The following ARHGEF10L variants were observed in gnomAD, a reference collection of about 807,000 sequenced individuals.
ARHGEF10L encodes the protein Rho guanine nucleotide exchange factor 10 like.
A neutral mutation model predicts 141.2 loss-of-function variants in ARHGEF10L; 69 were observed. The ratio of observed to expected loss-of-function variants is 0.49; its 90% confidence interval spans 0.40 to 0.60. The LOEUF is 0.60. Ranked by LOEUF, ARHGEF10L falls within the 20% of genes least tolerant of loss-of-function variation. The probability of loss-of-function intolerance (pLI) is 0.00; values close to 1 mark genes in which losing one functional copy is unlikely to be tolerated. For missense variants in ARHGEF10L, 1,482 were observed against 1,734.3 expected (o/e 0.85, Z 2.58); for synonymous variants, 711 against 718.5 (o/e 0.99, Z 0.17).
chr1:17,590,310 C>CA (rs1415280448), intron 4 of ARHGEF10L, among the ~76,000 whole-genome samples: 1 of 152,128 alleles, frequency 6.6e-6, no homozygotes, highest in African/African-American at 2.4e-5. Flanking sequence ...GATCTCTGAG[C>CA]TCTTGGGAGA....
chr1:17,559,976 T>C (rs1214948257), intron 1 of ARHGEF10L, among the ~76,000 whole-genome samples: 1 of 152,130 alleles, frequency 6.6e-6, no homozygotes, highest in East Asian at 1.9e-4. Flanking sequence ...GCATGCCTGA[T>C]GCCCTGCAAG....
rs1393328965 is a variant in ARHGEF10L, at chr1:17,687,574, A to G, written c.3011A>G (p.Gln1004Arg). 6.2e-7 allele frequency: 1 copy of G among 1,612,878 alleles called. No homozygotes were observed. Among genetic ancestry groups the G allele is most frequent in the South Asian group, 1.1e-5 (1 of 91,070 alleles). Residue 1004 changes from glutamine to arginine, a missense_variant and splice_region_variant, in exon 27 of 29, where the codon CAA (glutamine) becomes CGA (arginine). Around this residue, in one of 3 missense-constraint regions of ARHGEF10L, gnomAD observed 858 missense variants for 966.3 expected, o/e 0.89. Coordinates refer to ENST00000361221, the MANE Select transcript of ARHGEF10L (RefSeq NM_018125.4). ...GACACTCCTCCCTTTGTGCCACAGCAAAGCTTCGAGGCGCACCAGGACGAG... is the reference window on the plus strand; with the variant it reads ...GACACTCCTCCCTTTGTGCCACAGCGAAGCTTCGAGGCGCACCAGGACGAG... Reference protein sequence around the residue: ...VLEATTLQPQQSFEAHQDEAV... With the variant: ...VLEATTLQPQRSFEAHQDEAV...
chr1:17,526,620 C>G, the ARHGEF10L span, among the ~76,000 whole-genome samples: 1 of 152,090 alleles, frequency 6.6e-6, no homozygotes, highest in Non-Finnish European at 1.5e-5. Context: ...AGAGACAAGG[C>G]TGGCCGGGCA....
In ARHGEF10L at chr1:17,664,603, A is replaced by G; in HGVS notation, c.3009+8A>G. On this transcript the variant is annotated splice_region_variant and intron_variant, in intron 26 of 28. Transcript: ENST00000361221. ...ACCACCCTGCAGCCTCAGGTACTGC[A>G]CTATCCTTTGGCTTGTGGCCCTGGA... The G allele has an allele frequency of 6.5e-7, 1 of 1,550,140 alleles. No individual in the cohort carries two copies. Among genetic ancestry groups the G allele is most frequent in the Non-Finnish European group, 8.7e-7 (1 of 1,150,782 alleles).
chr1:17,638,278 T>C (rs1484617589), intron 19 of ARHGEF10L, among the ~76,000 whole-genome samples: 1 of 152,134 alleles, frequency 6.6e-6, no homozygotes, highest in Non-Finnish European at 1.5e-5. Context: ...GGCCATTCCG[T>C]TATGTGGCCC....
intron 9 of ARHGEF10L, chr1:17,618,317 T>C (rs1409840969): frequency 6.7e-7 from 1 of 1,498,244 alleles, no homozygotes; most frequent in Non-Finnish European, 8.9e-7. Context: ...AGAGGCGATA[T>C]TAATAGCCGT....
chr1:17,631,656 C>T (rs1474594552), intron 15 of ARHGEF10L, among the ~76,000 whole-genome samples: 2 of 152,232 alleles, frequency 1.3e-5, no homozygotes, highest in Non-Finnish European at 2.9e-5. Flanking sequence ...TGTCATCACA[C>T]GTGACCTGTG....
intron 26 of ARHGEF10L, among the ~76,000 whole-genome samples, chr1:17,676,797 A>G (rs1367609933): frequency 6.6e-6 from 1 of 151,444 alleles, no homozygotes; most frequent in Non-Finnish European, 1.5e-5. Context: ...CTGCCTGAGC[A>G]CTCTGTTCCC....
At chr1:17,677,887 A>T (rs560170231) in intron 26 of ARHGEF10L, among the ~76,000 whole-genome samples, 1 of 152,112 alleles carries the variant, frequency 6.6e-6, no homozygotes, top group East Asian at 1.9e-4. Flanking sequence ...GGTGAATGTC[A>T]TGCAGACCCA....
At chr1:17,683,887 G>A (rs951822060) in intron 26 of ARHGEF10L, among the ~76,000 whole-genome samples, 4 of 152,230 alleles carry the variant, frequency 2.6e-5, no homozygotes, top group Non-Finnish European at 4.4e-5. Context: ...TTGGTCCCAG[G>A]CCTCTGGGTT....
intron 1 of ARHGEF10L, among the ~76,000 whole-genome samples, chr1:17,568,247 A>G (rs2077842900): frequency 6.6e-6 from 1 of 152,174 alleles, no homozygotes; most frequent in Non-Finnish European, 1.5e-5. Flanking sequence ...TTTATTGAGC[A>G]CTTACTGTGT....
chr1:17,585,766 T>G (rs1319484026), intron 2 of ARHGEF10L, among the ~76,000 whole-genome samples: 2 of 152,220 alleles, frequency 1.3e-5, no homozygotes, highest in Admixed American at 1.3e-4. Context: ...TCTGTTCATC[T>G]GCTGGACCAT....
At chr1:17,597,296 C>T (rs966690331) in intron 4 of ARHGEF10L, among the ~76,000 whole-genome samples, 1 of 152,060 alleles carries the variant, frequency 6.6e-6, no homozygotes, top group African/African-American at 2.4e-5. Flanking sequence ...TTTTATGACC[C>T]GGAGGCCCCT....
intron 22 of ARHGEF10L, among the ~76,000 whole-genome samples, chr1:17,651,864 G>GT (rs2101979027): frequency 6.6e-6 from 1 of 152,252 alleles, no homozygotes; most frequent in East Asian, 1.9e-4. Context: ...TCAAATCGCT[G>GT]TCCCCCTCTG....
intron 26 of ARHGEF10L, among the ~76,000 whole-genome samples, chr1:17,674,253 C>T (rs1416681190): frequency 1.3e-5 from 2 of 152,206 alleles, no homozygotes; most frequent in Non-Finnish European, 2.9e-5. Context: ...ACCCCTGGGA[C>T]CCTTGGTCCA....
rs189851758 is a variant in ARHGEF10L at position 17,591,284 on chromosome 1, C to T, written c.257+2805C>T. On this transcript the variant is annotated intron_variant, in intron 4 of 28. Coordinates refer to ENST00000361221, the MANE Select transcript of ARHGEF10L (RefSeq NM_018125.4). The stretch of plus-strand genomic sequence containing the variant: ...TTGAAACAGGGTCTCACTCTGTTGC[C>T]CAGGCTGGAGTGCAGTGGTGTGATC... 6.6e-5 allele frequency among the ~76,000 whole-genome samples: 10 copies of T among 152,306 alleles called. No individual in the cohort carries two copies. The East Asian group carries it at 1.9e-3, about 29-fold the overall frequency.
At chr1:17,527,959 C>T in the ARHGEF10L span, among the ~76,000 whole-genome samples, 1 of 151,282 alleles carries the variant, frequency 6.6e-6, no homozygotes, top group Non-Finnish European at 1.5e-5. Flanking sequence ...ACCTCCGCCT[C>T]CTGGGTTCAA....
At chr1:17,624,659 A>C (rs914443992) in intron 13 of ARHGEF10L, among the ~76,000 whole-genome samples, 156 bp downstream of exon 13, 5 of 152,166 alleles carry the variant, frequency 3.3e-5, no homozygotes, top group African/African-American at 1.2e-4. Flanking sequence ...CCATGGGAAG[A>C]AAATCGTTCC....
intron 1 of ARHGEF10L, among the ~76,000 whole-genome samples, chr1:17,572,654 C>T (rs1354600238): frequency 2.0e-5 from 3 of 152,190 alleles, no homozygotes; most frequent in Non-Finnish European, 4.4e-5. Flanking sequence ...TGGGTATGTA[C>T]CCGCTGGCCT....
Sources: gnomAD v4.1 joint callset for allele counts (sites outside exome capture counted in the v4.1 genomes callset) on GRCh38, gnomAD v4.1.1 for gene constraint, gnomAD v4.1.1 regional missense constraint, MANE v1.5 for transcripts, NCBI Gene and HGNC (gene_info 2026-07-23, HGNC 2026-07-21) for gene names.